The following DNTTIP1 variants were observed in gnomAD, a reference collection of about 807,000 sequenced individuals.
DNTTIP1 encodes deoxynucleotidyltransferase terminal-interacting protein 1.
In DNTTIP1, 22 loss-of-function variants were observed where a neutral mutation model predicts 52.9. The observed-to-expected ratio is 0.42, with a 90% CI of 0.30 to 0.59. The LOEUF (loss-of-function observed/expected upper bound fraction) is 0.59, where lower values mean the gene tolerates loss of function less well. Ranked by LOEUF, DNTTIP1 falls within the 20% of genes least tolerant of loss-of-function variation. DNTTIP1 has a pLI of 0.22. For missense variants in DNTTIP1, 286 were observed against 435.5 expected, an observed-to-expected ratio of 0.66 and a Z score of 3.06; for synonymous variants, 136 against 155.1, an observed-to-expected ratio of 0.88 and a Z score of 0.92.
chr20:45,807,047 C>T (rs1490646368), intron 10 of DNTTIP1, among the ~76,000 whole-genome samples: 1 of 151,678 alleles, frequency 6.6e-6, no homozygotes, highest in African/African-American at 2.4e-5. Flanking sequence ...TTTTTTTTAA[C>T]TAGCTCAAGT....
intron 5 of DNTTIP1, 68 bp downstream of exon 5, chr20:45,801,210 G>T: frequency 2.6e-6 from 4 of 1,515,760 alleles, no homozygotes; most frequent in Non-Finnish European, 3.7e-6. Context: ...AGTGAAATAT[G>T]TGGGCCCAGG....
intron 11 of DNTTIP1, among the ~76,000 whole-genome samples, chr20:45,810,642 A>T (rs1199621228): frequency 6.7e-6 from 1 of 149,718 alleles, no homozygotes; most frequent in Non-Finnish European, 1.5e-5. Flanking sequence ...TTTTTAAAAG[A>T]GAAGGCTATA....
chr20:45,803,490 C>A, intron 8 of DNTTIP1, 112 bp downstream of exon 8: 8 of 1,139,024 alleles, frequency 7.0e-6, no homozygotes, highest in Non-Finnish European at 8.8e-6. Context: ...GCACACCATT[C>A]CAGAGCCATC....
intron 10 of DNTTIP1, among the ~76,000 whole-genome samples, chr20:45,808,335 C>T (rs189686438): frequency 3.0e-4 from 45 of 150,848 alleles, no homozygotes; most frequent in Admixed American, 7.3e-4. Flanking sequence ...CAGAGCGAGA[C>T]GTCATCTCAA....
At chr20:45,793,746 GAGAA>G (rs1397422731) in intron 2 of DNTTIP1, among the ~76,000 whole-genome samples, 171 bp from the exon 3 acceptor site, 1 of 152,206 alleles carries the variant, frequency 6.6e-6, no homozygotes, top group East Asian at 1.9e-4. Flanking sequence ...GAGTTATTAT[GAGAA>G]AGAAATAAAG....
chr20:45,794,089 AGTCT>A, intron 3 of DNTTIP1, 72 bp downstream of exon 3: 1 of 906,148 alleles, frequency 1.1e-6, no homozygotes, highest in Non-Finnish European at 1.7e-6. Flanking sequence ...CTGCATCACC[AGTCT>A]GTCTCTTTCC....
At chr20:45,802,729 C>T (rs971016843) in intron 7 of DNTTIP1, among the ~76,000 whole-genome samples, 7 of 152,246 alleles carry the variant, frequency 4.6e-5, no homozygotes, top group African/African-American at 1.7e-4. Flanking sequence ...TGCATAGTGA[C>T]AGGCATCCAC....
chr20:45,803,281 A>T, intron 7 of DNTTIP1, 52 bp from the exon 8 acceptor site: 1 of 1,572,790 alleles, frequency 6.4e-7, no homozygotes, highest in Non-Finnish European at 8.7e-7. Context: ...GCTGGCATTT[A>T]GTCCTAGGTC....
At chr20:45,797,185 C>T (rs1195951948) in intron 4 of DNTTIP1, among the ~76,000 whole-genome samples, 1 of 152,188 alleles carries the variant, frequency 6.6e-6, no homozygotes, top group Non-Finnish European at 1.5e-5. Context: ...ATGTCACTCC[C>T]CATTTTAAAA....
intron 8 of DNTTIP1, 125 bp downstream of exon 8, chr20:45,803,503 C>A: frequency 1.0e-6 from 1 of 964,640 alleles, no homozygotes; most frequent in Non-Finnish European, 1.5e-6. Flanking sequence ...GAGCCATCTG[C>A]CCCTCTCCAC....
intron 4 of DNTTIP1, chr20:45,796,311 T>C: frequency 2.8e-6 from 1 of 362,566 alleles, no homozygotes; most frequent in South Asian, 2.1e-5. Context: ...CATCACATTG[T>C]ACACCTTGAA....
chr20:45,801,965 G>A (rs768346835), intron 6 of DNTTIP1, 34 bp from the exon 7 acceptor site: 7 of 1,611,322 alleles, frequency 4.3e-6, no homozygotes, highest in Middle Eastern at 1.6e-4. Context: ...AGTAACCACA[G>A]GGTCAGACCT....
chr20:45,810,025 T>TA (rs968818906), intron 11 of DNTTIP1, among the ~76,000 whole-genome samples: 80 of 147,032 alleles, frequency 5.4e-4, no homozygotes, highest in Middle Eastern at 3.5e-3. Context: ...AGTAGTTCTT[T>TA]AAAAAAAAAA....
At chr20:45,802,097 C>T (rs1981493695) in intron 7 of DNTTIP1, 40 bp downstream of exon 7, 4 of 1,607,692 alleles carry the variant, frequency 2.5e-6, no homozygotes, top group Non-Finnish European at 3.4e-6. Flanking sequence ...CATAGGGGAG[C>T]AGACGGAGAG....
At chr20:45,807,998 AAGGTGCTTAAATTCTGGTTTCT>A (rs1382250434) in intron 10 of DNTTIP1, among the ~76,000 whole-genome samples, 1 of 151,440 alleles carries the variant, frequency 6.6e-6, no homozygotes, top group Non-Finnish European at 1.5e-5. Flanking sequence ...TTTTTTTTTT[AAGGTGCTTAAATTCTGGTTTCT>A]AGGTGCCCAA....
In DNTTIP1 at chr20:45,810,511, C is replaced by T. The variant is rs553919247; in HGVS notation, c.796-374C>T. ...TGTTATAACCCACCTTGGGTCCTTT[C>T]GTATACTTGATCTTAACCAAAAGGT... On this transcript the variant is annotated intron_variant, in intron 11 of 12. Transcript: ENST00000372622. 6.0e-5 allele frequency among the ~76,000 whole-genome samples: 9 copies of T among 150,844 alleles called. No homozygotes were observed. The South Asian group carries it at 1.9e-3, about 32-fold the overall frequency.
chr20:45,793,527 C>T (rs1222241772), intron 2 of DNTTIP1, among the ~76,000 whole-genome samples: 1 of 152,030 alleles, frequency 6.6e-6, no homozygotes, highest in African/African-American at 2.4e-5. Context: ...TGGAGAAACC[C>T]GGTCTCTACT....
rs779805577 is a variant in DNTTIP1 at position 45,801,967 on chromosome 20, G to C, written c.499-32G>C. The C allele has an allele frequency of 1.9e-6, 3 of 1,613,178 alleles. 1 individual carries two copies. In the South Asian group the frequency reaches 3.3e-5, roughly 18 times the overall value. Reference sequence around the variant, plus strand: ...ATGGGGTATGGGGAGTAACCACAGGGTCAGACCTCTGACAGCTGTTTTTTG... The same window carrying C: ...ATGGGGTATGGGGAGTAACCACAGGCTCAGACCTCTGACAGCTGTTTTTTG... On this transcript the variant is annotated intron_variant, in intron 6 of 12. Transcript: ENST00000372622.
At position 45,800,691 on chromosome 20, in the gene DNTTIP1, AAAAATATATATATATATATATATAT is replaced by A. The variant is rs1981413523; in HGVS notation, c.373-381_373-357del. ...CTCCATCTCAATTTAAAAAAAAAAAAAAAATATATATATATATATATATATATATATATATATATATATATATATA... is the reference window on the plus strand; with the variant it reads ...CTCCATCTCAATTTAAAAAAAAAAAAATATATATATATATATATATATATA... On this transcript the variant is annotated intron_variant, in intron 4 of 12. Coordinates refer to ENST00000372622, the MANE Select transcript of DNTTIP1 (RefSeq NM_052951.3). Among the ~76,000 whole-genome samples the A allele has an allele frequency of 1.6e-4, 9 of 57,102 alleles. 1 individual carries two copies. The highest frequency in any genetic ancestry group is 2.7e-4 in the Non-Finnish European group (9 of 33,950). The allele number at this position is 57,102 out of a possible 152,430, so 37.5% of individuals were successfully genotyped here.
Sources: gnomAD v4.1 joint callset for allele counts (sites outside exome capture counted in the v4.1 genomes callset) on GRCh38, gnomAD v4.1.1 for gene constraint, MANE v1.5 for transcripts, NCBI Gene and HGNC (gene_info 2026-07-23, HGNC 2026-07-21) for gene names.